Variants in ZNF563 observed in about 807,000 individuals in gnomAD.
ZNF563 encodes the protein zinc finger protein 563.
ZNF563 carries 39 observed loss-of-function variants against 48.5 expected under a neutral mutation model. The observed-to-expected ratio is 0.80, with a 90% CI of 0.62 to 1.05. The LOEUF is 1.05. Ranked by LOEUF, ZNF563 falls within the 50% of genes least tolerant of loss-of-function variation. The probability of loss-of-function intolerance (pLI) is 0.00; values close to 1 mark genes in which losing one functional copy is unlikely to be tolerated. For missense variants in ZNF563, 538 were observed against 597.0 expected (o/e 0.90, Z 1.03); for synonymous variants, 168 against 187.9 (o/e 0.89, Z 0.87).
intron 1 of ZNF563, among the ~76,000 whole-genome samples, chr19:12,330,349 C>G (rs1346793105): frequency 2.0e-5 from 3 of 152,216 alleles, no homozygotes; most frequent in Admixed American, 2.0e-4. Flanking sequence ...AACCTGGAAG[C>G]AGGCCCTTAC....
chr19:12,323,963 A>G (rs1968702505), intron 1 of ZNF563, among the ~76,000 whole-genome samples: 1 of 152,244 alleles, frequency 6.6e-6, no homozygotes, highest in Admixed American at 6.5e-5. Context: ...GAAGGAAAGA[A>G]GGTCAATGAG....
intron 1 of ZNF563, among the ~76,000 whole-genome samples, chr19:12,324,074 C>A (rs1568475432): frequency 6.6e-6 from 1 of 152,162 alleles, no homozygotes. Context: ...AATTTCACTA[C>A]CAGCTAGGTA....
chr19:12,343,808 G>A, the ZNF563 span, among the ~76,000 whole-genome samples: 213 of 139,376 alleles, frequency 1.5e-3, 5 homozygotes, highest in South Asian at 8.6e-3. Flanking sequence ...TTGGCTCACC[G>A]TAAGCTCTGC....
chr19:12,337,146 C>A (rs1969028983), upstream of ZNF563, among the ~76,000 whole-genome samples: 1 of 152,106 alleles, frequency 6.6e-6, no homozygotes, highest in Non-Finnish European at 1.5e-5. Context: ...GAAATCCGCA[C>A]CAGAGAAAGG....
chr19:12,324,248 A>G (rs1293686868), intron 1 of ZNF563, among the ~76,000 whole-genome samples: 3 of 152,078 alleles, frequency 2.0e-5, no homozygotes, highest in Non-Finnish European at 4.4e-5. Context: ...AGTCCCAGCT[A>G]ATTGGGAAGC....
chr19:12,321,459 G>A, intron 2 of ZNF563, 127 bp from the exon 3 acceptor site: 1 of 533,520 alleles, frequency 1.9e-6, no homozygotes. Context: ...ACAGTTTGGG[G>A]GTGGAGGCAG....
At chr19:12,340,388 C>T in the ZNF563 span, among the ~76,000 whole-genome samples, 2 of 152,068 alleles carry the variant, frequency 1.3e-5, no homozygotes, top group Non-Finnish European at 2.9e-5. Context: ...CATATAGTCA[C>T]AGCTACTCAG....
chr19:12,318,679 T>C lies in ZNF563; in HGVS notation c.1346A>G (p.Asn449Ser). 5 of 1,614,232 alleles carry C rather than the reference T, an allele frequency of 3.1e-6. No homozygotes were observed. Among genetic ancestry groups the C allele is most frequent in the Non-Finnish European group, 3.4e-6 (4 of 1,180,042 alleles). The stretch of plus-strand genomic sequence containing the variant: ...GGCTTTCCCACATACCTTGCATTTA[T>C]TCGGCCCATCTCCCGTATGCATTAC... ...HMVMHTGDGP[N>S]KCKVCGKAFV... Residue 449 changes from asparagine (N) to serine (S), a missense_variant, in exon 4 of 4, where the codon AAT (asparagine) becomes AGT (serine). By Grantham distance (46) the Asn-to-Ser change is conservative. Transcript: ENST00000293725.
chr19:12,318,750 C>T lies in ZNF563; in HGVS notation c.1275G>A (p.Gln425=), dbSNP rs1968502990. 4 of 1,614,204 alleles carry T rather than the reference C, an allele frequency of 2.5e-6. No individual in the cohort carries two copies. The East Asian group carries it at 8.9e-5, about 36-fold the overall frequency. ...AGCTATGAGATAACGCTTTCCCACA[C>T]TGCTTGCATTCATAGGGTTTCTCTC... ...HSGEKPYECK[Q]CGKALSHSSS... The change falls in exon 4 of 4, where the codon CAG becomes CAA. Residue 425 remains glutamine (Q), a synonymous_variant. Coordinates refer to ENST00000293725, the MANE Select transcript of ZNF563 (RefSeq NM_145276.3).
upstream of ZNF563, among the ~76,000 whole-genome samples, chr19:12,334,124 T>C (rs947483321): frequency 5.3e-5 from 8 of 152,180 alleles, no homozygotes; most frequent in African/African-American, 1.7e-4. Context: ...GATGAGACTC[T>C]TGGCGGCAAG....
intron 3 of ZNF563, 109 bp from the exon 4 acceptor site, chr19:12,319,942 A>C (rs964687431): frequency 2.9e-6 from 3 of 1,039,576 alleles, no homozygotes; most frequent in Non-Finnish European, 4.1e-6. Flanking sequence ...CCTGAGATGG[A>C]GTCTTGCTCT....
the ZNF563 span, among the ~76,000 whole-genome samples, chr19:12,341,711 T>G: frequency 0.01 from 1,566 of 152,158 alleles, 30 homozygotes; most frequent in African/African-American, 0.036. Flanking sequence ...CCAAAATAAA[T>G]TAAACATTAA....
In ZNF563 at chr19:12,318,484, A is replaced by T; in HGVS notation, c.*110T>A. On this transcript the variant is annotated 3_prime_UTR_variant, in exon 4 of 4. Coordinates refer to ENST00000293725, the MANE Select transcript of ZNF563 (RefSeq NM_145276.3). The stretch of plus-strand genomic sequence containing the variant: ...TTTCATGATTTTGAAAGGAATAAAA[A>T]TTATGAAAGGCTTTCCCACATTTAC... 1 of 1,226,668 alleles carries T rather than the reference A, an allele frequency of 8.2e-7. No individual in the cohort carries two copies. Among genetic ancestry groups the T allele is most frequent in the South Asian group, 1.5e-5 (1 of 65,118 alleles). The allele number at this position is 1,226,668 out of a possible 1,614,324, so 76.0% of individuals were successfully genotyped here. A position where few individuals can be genotyped will look rare whatever the true frequency, so the allele number is the denominator to read the frequency against.
In ZNF563 at chr19:12,319,757, T is replaced by C; in HGVS notation, c.268A>G (p.Ser90Gly). Residue 90 changes from serine to glycine, a missense_variant, in exon 4 of 4, where the codon AGT becomes GGT. Coordinates refer to ENST00000293725, the MANE Select transcript of ZNF563 (RefSeq NM_145276.3). ...CGETFSLIRD[S>G]IVNNSICPGE... ...GGACAAATGCTGTTGTTCACAATAC[T>C]ATCTCGAATGAGGCTAAATGTTTCT... is the stretch of plus-strand genomic sequence containing the variant. The C allele has an allele frequency of 1.2e-6, 2 of 1,614,214 alleles. No homozygotes were observed. Among genetic ancestry groups the C allele is most frequent in the South Asian group, 2.2e-5 (2 of 91,080 alleles).
chr19:12,332,838 G>C (rs1158619326), intron 1 of ZNF563, among the ~76,000 whole-genome samples: 1 of 152,160 alleles, frequency 6.6e-6, no homozygotes, highest in Non-Finnish European at 1.5e-5. Context: ...CCTTGCGATG[G>C]ATTTTGCTTC....
intron 3 of ZNF563, among the ~76,000 whole-genome samples, chr19:12,320,220 T>G (rs2145799714): frequency 6.6e-6 from 1 of 152,234 alleles, no homozygotes; most frequent in East Asian, 1.9e-4. Context: ...CCTGGCCAGA[T>G]ATACCTTTTT....
the ZNF563 span, among the ~76,000 whole-genome samples, chr19:12,338,834 A>G: frequency 6.6e-6 from 1 of 152,072 alleles, no homozygotes; most frequent in Non-Finnish European, 1.5e-5. Context: ...CCTGGGCAAC[A>G]AGACTGAGAC....
chr19:12,341,233 G>A, the ZNF563 span, among the ~76,000 whole-genome samples: 2 of 152,054 alleles, frequency 1.3e-5, no homozygotes, highest in Admixed American at 6.6e-5. Context: ...TGTATTTTTA[G>A]TAGATCTGCG....
chr19:12,345,476 T>C, the ZNF563 span, among the ~76,000 whole-genome samples: 2 of 152,230 alleles, frequency 1.3e-5, no homozygotes, highest in Non-Finnish European at 2.9e-5. Flanking sequence ...GACCGTTCTT[T>C]GGTAGAAGGA....
Sources: allele counts gnomAD v4.1 joint callset (sites outside exome capture counted in the v4.1 genomes callset), GRCh38; gene constraint gnomAD v4.1.1; transcripts MANE v1.5; gene names NCBI Gene and HGNC (gene_info 2026-07-23, HGNC 2026-07-21).